PARP4: variants seen among roughly 807,000 people sequenced by gnomAD.
PARP4 encodes the protein protein mono-ADP-ribosyltransferase PARP4.
Under a neutral mutation model 187.7 loss-of-function variants are expected in PARP4, and 120 were observed. The observed-to-expected ratio is 0.64, with a 90% CI of 0.55 to 0.74. The LOEUF is 0.74. Among genes scored for constraint, PARP4 ranks in the 30% least tolerant of loss-of-function variants. The pLI is 0.00. For missense variants in PARP4, 1,836 were observed against 2,070.5 expected (o/e 0.89, Z 2.20); for synonymous variants, 654 against 740.9 (o/e 0.88, Z 1.90).
chr13:24,462,571 G>T (rs1872261392), intron 17 of PARP4, among the ~76,000 whole-genome samples: 1 of 152,162 alleles, frequency 6.6e-6, no homozygotes, highest in African/African-American at 2.4e-5. Context: ...CCAATGTCAA[G>T]ATAAAGCAAT....
Position 24,456,483 on chromosome 13 carries a change from AAAAC to A in PARP4, c.2425-9_2425-6del, listed in dbSNP as rs776280335. Reference sequence around the variant, plus strand: ...GACAGCTTTGCAGTCTGTGCGCTGCAAAACAAACACCGCGACAACAAGGTGAGTA... The same window carrying A: ...GACAGCTTTGCAGTCTGTGCGCTGCAAAACACCGCGACAACAAGGTGAGTA... On this transcript the variant is annotated splice_polypyrimidine_tract_variant and splice_region_variant and intron_variant, in intron 20 of 33. Transcript: ENST00000381989. The A allele has an allele frequency of 4.4e-6, 7 of 1,584,644 alleles. No homozygotes were observed. In the Admixed American group the frequency reaches 5.1e-5, roughly 11 times the overall value.
chr13:24,457,770 CA>C (rs33930012), intron 20 of PARP4, among the ~76,000 whole-genome samples: 277 of 85,580 alleles, frequency 3.2e-3, no homozygotes, highest in Middle Eastern at 7.5e-3. Flanking sequence ...GACTCTGTCT[CA>C]AAAAAAAAAA....
intron 17 of PARP4, among the ~76,000 whole-genome samples, chr13:24,466,340 C>T (rs987639037): frequency 6.6e-6 from 1 of 152,126 alleles, no homozygotes; most frequent in Non-Finnish European, 1.5e-5. Context: ...CATCACCACA[C>T]CCAGCTAATT....
intron 1 of PARP4, among the ~76,000 whole-genome samples, chr13:24,505,003 C>CAAT (rs1869535909): frequency 7.7e-6 from 1 of 129,778 alleles, no homozygotes; most frequent in East Asian, 2.2e-4. Flanking sequence ...CACACCCCCG[C>CAAT]TTTTTTTTTT....
intron 32 of PARP4, among the ~76,000 whole-genome samples, chr13:24,428,967 T>A (rs1870197576): frequency 6.6e-6 from 1 of 152,212 alleles, no homozygotes; most frequent in African/African-American, 2.4e-5. Flanking sequence ...TTAAACCTTT[T>A]GATATCATTC....
At chr13:24,438,324 C>T (rs559001069) in intron 30 of PARP4, among the ~76,000 whole-genome samples, 5 of 152,284 alleles carry the variant, frequency 3.3e-5, no homozygotes, top group South Asian at 2.1e-4. Context: ...AATCTACTGC[C>T]GCTGCTGACG....
chr13:24,425,630 C>G (rs1321231310), intron 33 of PARP4, among the ~76,000 whole-genome samples: 4 of 144,006 alleles, frequency 2.8e-5, no homozygotes, highest in Non-Finnish European at 6.0e-5. Flanking sequence ...GGATCCTACT[C>G]TGGTCTTGAC....
In PARP4 at chr13:24,503,638, G is replaced by T. The variant is rs374867113; in HGVS notation, c.132+7C>A. 9 of 1,612,016 alleles carry T rather than the reference G, an allele frequency of 5.6e-6. No homozygotes were observed. The highest frequency in any genetic ancestry group is 7.6e-6 in the Non-Finnish European group (9 of 1,179,820). ...ATCACACTGTAGTTTATGACACTTG[G>T]AAATACCTGAGGATTTAACGAAAAG... is the stretch of plus-strand genomic sequence containing the variant. On this transcript the variant is annotated splice_region_variant and intron_variant, in intron 2 of 33. Coordinates refer to ENST00000381989, the MANE Select transcript of PARP4 (RefSeq NM_006437.4).
In PARP4 at chr13:24,498,191, C is replaced by T. The variant is rs1869065912; in HGVS notation, c.516G>A (p.Glu172=). The T allele has an allele frequency of 6.2e-7, 1 of 1,613,544 alleles. No individual in the cohort carries two copies. The highest frequency in any genetic ancestry group is 1.3e-5 in the African/African-American group (1 of 74,908). ...CCCTGGAGTCCCGCGAACACTGAAGCTCCACCACCACAGCTTCCTGGCCTC... is the reference window on the plus strand; with the variant it reads ...CCCTGGAGTCCCGCGAACACTGAAGTTCCACCACCACAGCTTCCTGGCCTC... ...MEGGQEAVVV[E]LQCSRDSRDC... Residue 172 remains glutamate (E), a synonymous_variant, in exon 6 of 34, where the codon GAG becomes GAA. Coordinates refer to ENST00000381989, the MANE Select transcript of PARP4 (RefSeq NM_006437.4).
At chr13:24,511,721 A>C (rs770686134) in intron 1 of PARP4, among the ~76,000 whole-genome samples, 2 of 152,212 alleles carry the variant, frequency 1.3e-5, no homozygotes, top group Non-Finnish European at 2.9e-5. Flanking sequence ...GCACACGCTA[A>C]GATCACTTTT....
chr13:24,496,607 G>A (rs959457284), intron 6 of PARP4, among the ~76,000 whole-genome samples: 10 of 152,240 alleles, frequency 6.6e-5, no homozygotes, highest in Admixed American at 1.3e-4. Flanking sequence ...TCCACCTGAC[G>A]TGAGTCTCTT....
intron 24 of PARP4, 128 bp from the exon 25 acceptor site, chr13:24,449,945 T>A (rs1351876313): frequency 3.8e-6 from 2 of 528,598 alleles, no homozygotes; most frequent in Non-Finnish European, 6.9e-6. Flanking sequence ...TACTCGTGTG[T>A]CGCTGAGGTT....
chr13:24,435,744 C>T (rs1255332903), intron 30 of PARP4, among the ~76,000 whole-genome samples: 1 of 151,900 alleles, frequency 6.6e-6, no homozygotes, highest in African/African-American at 2.4e-5. Flanking sequence ...CAGCGAGGCT[C>T]CATCTTTACA....
rs1279983879 is a variant in PARP4, at chr13:24,456,382, G to A, written c.2521C>T (p.Pro841Ser). ...LHIGLSAAYLPRMWVEKHPEK... is the reference protein window; with the variant it reads ...LHIGLSAAYLSRMWVEKHPEK... ...GGATGTTTTTCAACCCACATTCTTG[G>A]GAGATAGGCAGCAGACAAACCGATG... is the stretch of plus-strand genomic sequence containing the variant. The change falls in exon 21 of 34, where the codon CCA becomes TCA. Residue 841 changes from proline (P) to serine (S), a missense_variant. Around this residue, in one of 8 missense-constraint regions of PARP4, gnomAD observed 1,147 missense variants for 1,214.2 expected, o/e 0.94. Transcript: ENST00000381989. 5.6e-6 allele frequency: 9 copies of A among 1,611,686 alleles called. No individual in the cohort carries two copies. The highest frequency in any genetic ancestry group is 7.6e-6 in the Non-Finnish European group (9 of 1,178,532).
intron 27 of PARP4, among the ~76,000 whole-genome samples, chr13:24,444,142 G>A (rs1269734083): frequency 6.6e-6 from 1 of 152,266 alleles, no homozygotes; most frequent in Non-Finnish European, 1.5e-5. Context: ...GAAGGGTGAA[G>A]ACTGCACAAT....
At chr13:24,477,273 A>C (rs369468910) in intron 14 of PARP4, among the ~76,000 whole-genome samples, 25 of 152,138 alleles carry the variant, frequency 1.6e-4, no homozygotes, top group African/African-American at 4.1e-4. Context: ...TAATGCCAGG[A>C]ATTTCAGGCC....
Position 24,452,668 on chromosome 13 carries a change from C to A in PARP4, c.2827-75G>T, listed in dbSNP as rs576810835. The A allele has an allele frequency of 2.5e-6, 3 of 1,208,652 alleles. No individual in the cohort carries two copies. In the African/African-American group the frequency reaches 4.5e-5, roughly 18 times the overall value. The allele number at this position is 1,208,652 out of a possible 1,614,324, so 74.9% of individuals were successfully genotyped here. ...CCATTTGCTGTCATCATTGACACATCTAAGGACAGTGTAGGGATATGGTGA... is the reference window on the plus strand; with the variant it reads ...CCATTTGCTGTCATCATTGACACATATAAGGACAGTGTAGGGATATGGTGA... On this transcript the variant is annotated intron_variant, in intron 23 of 33. Transcript: ENST00000381989.
chr13:24,426,257 G>A (rs1256452278), intron 33 of PARP4, among the ~76,000 whole-genome samples: 1 of 152,032 alleles, frequency 6.6e-6, no homozygotes, highest in African/African-American at 2.4e-5. Flanking sequence ...GAAACTCTTT[G>A]AGCCCATTTC....
chr13:24,432,095 A>G (rs1321754744), intron 31 of PARP4, among the ~76,000 whole-genome samples: 2 of 152,182 alleles, frequency 1.3e-5, no homozygotes, highest in African/African-American at 2.4e-5. Flanking sequence ...GATACATAAT[A>G]CTTGTATGTA....
Sources: allele counts gnomAD v4.1 joint callset (sites outside exome capture counted in the v4.1 genomes callset), GRCh38; gene constraint gnomAD v4.1.1; regional missense constraint gnomAD v4.1.1; transcripts MANE v1.5; gene names NCBI Gene and HGNC (gene_info 2026-07-23, HGNC 2026-07-21).